The following SLC9D1 variants were observed in gnomAD, a reference collection of about 807,000 sequenced individuals.
SLC9D1 encodes putative LAG1-interacting protein.
chr13:113,513,254 T>C, the SLC9D1 span, among the ~76,000 whole-genome samples: 2 of 152,096 alleles, frequency 1.3e-5, no homozygotes, highest in Admixed American at 1.3e-4. Context: ...CCAGTGAAAG[T>C]ACCATCCAAG....
At chr13:113,525,968 G>A in the SLC9D1 span, among the ~76,000 whole-genome samples, 4 of 151,670 alleles carry the variant, frequency 2.6e-5, no homozygotes, top group South Asian at 2.1e-4. Flanking sequence ...CGTCGTCGTC[G>A]TAGGAGACGA....
the SLC9D1 span, among the ~76,000 whole-genome samples, chr13:113,531,222 C>T: frequency 2.6e-5 from 4 of 152,228 alleles, no homozygotes; most frequent in African/African-American, 7.2e-5. Context: ...TGGTGCGTCC[C>T]GCCAGGGAGC....
the SLC9D1 span, chr13:113,514,184 T>G: frequency 6.6e-6 from 1 of 152,216 alleles, no homozygotes; most frequent in Non-Finnish European, 1.5e-5. Flanking sequence ...AACCTTCTTT[T>G]TCATACTAAC....
At chr13:113,500,046 A>G in the SLC9D1 span, 3 of 1,594,028 alleles carry the variant, frequency 1.9e-6, no homozygotes, top group East Asian at 6.8e-5. Flanking sequence ...GAAGTGGAGG[A>G]TGACTTGGGT....
At chr13:113,520,457 C>T in the SLC9D1 span, 35 of 508,726 alleles carry the variant, frequency 6.9e-5, 1 homozygote, top group East Asian at 1.2e-3. Context: ...GCACTCCAGC[C>T]TGGGCGACAG....
chr13:113,545,141 C>T, the SLC9D1 span, among the ~76,000 whole-genome samples: 3 of 152,374 alleles, frequency 2.0e-5, no homozygotes, highest in South Asian at 2.1e-4. Flanking sequence ...CCGCCAGCCT[C>T]GCTCACCTTC....
the SLC9D1 span, among the ~76,000 whole-genome samples, chr13:113,519,094 A>G: frequency 6.2e-5 from 9 of 144,876 alleles, no homozygotes; most frequent in African/African-American, 2.3e-4. Flanking sequence ...CCCAGGCTGG[A>G]GTGCAGTGGC....
the SLC9D1 span, among the ~76,000 whole-genome samples, chr13:113,500,796 TA>T: frequency 6.6e-6 from 1 of 152,096 alleles, no homozygotes; most frequent in Non-Finnish European, 1.5e-5. Context: ...CCAGAGAATC[TA>T]GGCTCAAAGA....
At chr13:113,532,771 G>A in the SLC9D1 span, among the ~76,000 whole-genome samples, 1 of 151,524 alleles carries the variant, frequency 6.6e-6, no homozygotes, top group African/African-American at 2.4e-5. Context: ...GAAGGACGCT[G>A]CCTCCCTCCT....
chr13:113,492,496 A>G, the SLC9D1 span, among the ~76,000 whole-genome samples: 4 of 151,844 alleles, frequency 2.6e-5, no homozygotes, highest in Admixed American at 6.5e-5. Flanking sequence ...CCAACTATAC[A>G]TGCACTAGTG....
chr13:113,539,606 G>T, the SLC9D1 span: 37 of 1,315,362 alleles, frequency 2.8e-5, no homozygotes, highest in Non-Finnish European at 3.8e-5. The surrounding 1 kb of genome is among the most constrained non-coding windows in gnomAD (Gnocchi z 4.8). Flanking sequence ...AGCAAAAATG[G>T]TTATCTTAAA....
the SLC9D1 span, among the ~76,000 whole-genome samples, chr13:113,546,449 TA>T: frequency 1.3e-5 from 2 of 152,014 alleles, no homozygotes; most frequent in South Asian, 4.2e-4. The surrounding 1 kb of genome is among the most constrained non-coding windows in gnomAD (Gnocchi z 7.1). Flanking sequence ...GGGCCGTGGC[TA>T]GAAGACTGGG....
the SLC9D1 span, among the ~76,000 whole-genome samples, chr13:113,537,393 C>T: frequency 6.6e-6 from 1 of 152,224 alleles, no homozygotes; most frequent in African/African-American, 2.4e-5. Context: ...CTGGCCGTGT[C>T]GCGTGGCGGC....
the SLC9D1 span, among the ~76,000 whole-genome samples, chr13:113,517,268 T>C: frequency 6.6e-6 from 1 of 152,208 alleles, no homozygotes; most frequent in Non-Finnish European, 1.5e-5. Context: ...AGTCTCGCTC[T>C]GTCGCCCAGG....
At chr13:113,540,327 C>T in the SLC9D1 span, among the ~76,000 whole-genome samples, 12 of 152,192 alleles carry the variant, frequency 7.9e-5, no homozygotes, top group African/African-American at 2.4e-4. Flanking sequence ...CTTTCCATCG[C>T]GGCTAAACTA....
the SLC9D1 span, among the ~76,000 whole-genome samples, chr13:113,543,187 C>G: frequency 1.5e-5 from 1 of 65,226 alleles, no homozygotes; most frequent in Non-Finnish European, 2.8e-5. Context: ...ACCTCCTCCC[C>G]CTGCCCCTCG....
chr13:113,547,208 TTG>T, the SLC9D1 span: 1 of 960,438 alleles, frequency 1.0e-6, no homozygotes, highest in Non-Finnish European at 1.7e-6. Context: ...AATTCCTGTA[TTG>T]AAGCAAGTGA....
At chr13:113,520,713 G>A in the SLC9D1 span, 50 of 1,613,050 alleles carry the variant, frequency 3.1e-5, no homozygotes, top group Non-Finnish European at 4.0e-5. Context: ...TCATACAGGC[G>A]GGCGCCAGTG....
the SLC9D1 span, among the ~76,000 whole-genome samples, chr13:113,544,559 G>A: frequency 6.6e-6 from 1 of 152,358 alleles, no homozygotes; most frequent in South Asian, 2.1e-4. Flanking sequence ...CCGCTGTTGG[G>A]CTACTTATTA....
Sources: gnomAD v4.1 joint callset for allele counts (sites outside exome capture counted in the v4.1 genomes callset) on GRCh38, gnomAD v4.1.1 for gene constraint, Gnocchi (gnomAD v3.1) non-coding constraint, MANE v1.5 for transcripts, NCBI Gene and HGNC (gene_info 2026-07-23, HGNC 2026-07-21) for gene names.